DDI1: variants seen among roughly 807,000 people sequenced by gnomAD.
DDI1 encodes DDI proteasomal shuttling factor 1, also known as protein DDI1 homolog 1.
Under a neutral mutation model 7.2 loss-of-function variants are expected in DDI1, and 6 were observed. That is an observed-to-expected ratio of 0.83 (90% confidence interval 0.46 to 1.64). The LOEUF (loss-of-function observed/expected upper bound fraction) is 1.64, where lower values mean the gene tolerates loss of function less well. DDI1 is among the 40% of genes most tolerant of loss of function. DDI1 has a pLI of 0.01. For synonymous variants in DDI1, 221 were observed against 201.7 expected (o/e 1.10, Z -0.81); for missense variants, 502 against 516.6 (o/e 0.97, Z 0.27).
rs981047287 is a variant in DDI1 at position 104,037,645 on chromosome 11, C to T, written c.823C>T (p.Arg275Ter). The change falls in exon 1 of 1, where the codon CGA becomes TGA. Residue 275 changes from arginine (R) to a stop codon, truncating the protein, a stop_gained. Transcript: ENST00000302259. LOFTEE classifies it high-confidence loss of function. Reference protein sequence around the residue: ...MTIMSQACAERCNIMRLVDRR... With the variant: ...MTIMSQACAE ...CATTATGAGCCAGGCTTGTGCCGAG[C>T]GATGTAACATCATGAGGCTGGTGGA... 36 of 1,613,966 alleles carry T rather than the reference C, an allele frequency of 2.2e-5. No homozygotes were observed. Among genetic ancestry groups the T allele is most frequent in the African/African-American group, 4.0e-5 (3 of 74,874 alleles).
rs1220842645 is a variant in DDI1, at chr11:104,036,658, C to T, written c.-165C>T. ...AGCAGGCACTGAGGCTGGGAGACAG[C>T]CCCCAGACAGATGAGTGTCCGCGCC... On this transcript the variant is annotated 5_prime_UTR_variant, in exon 1 of 1. Transcript: ENST00000302259. 1 of 629,462 alleles carries T rather than the reference C, an allele frequency of 1.6e-6. No individual in the cohort carries two copies. The allele number at this position is 629,462 out of a possible 1,614,324, so 39.0% of individuals were successfully genotyped here. A position where few individuals can be genotyped will look rare whatever the true frequency, so the allele number is the denominator to read the frequency against.
chr11:104,038,225 C>A lies in DDI1; in HGVS notation c.*212C>A. The A allele has an allele frequency of 1.8e-6, 1 of 559,956 alleles. No homozygotes were observed. Among genetic ancestry groups the A allele is most frequent in the Non-Finnish European group, 3.2e-6 (1 of 314,514 alleles). 34.7% of individuals were successfully genotyped at this position (559,956 alleles called of 1,614,324 possible). On this transcript the variant is annotated 3_prime_UTR_variant, in exon 1 of 1. Coordinates refer to ENST00000302259, the MANE Select transcript of DDI1 (RefSeq NM_001001711.3). ...CCCTTGTCCAGAGATCACTGAAAGG[C>A]ATCCTGGGAAGGCTCTGGAGGCTCC...
Position 104,037,284 on chromosome 11 carries a change from C to T in DDI1, c.462C>T (p.Pro154=), listed in dbSNP as rs1274533976. 1 of 1,613,386 alleles carries T rather than the reference C, an allele frequency of 6.2e-7. No homozygotes were observed. Among genetic ancestry groups the T allele is most frequent in the Admixed American group, 1.7e-5 (1 of 60,024 alleles). Residue 154 remains proline, a synonymous_variant, in exon 1 of 1, where the codon CCC becomes CCT. Transcript: ENST00000302259. ...ALIRSMLLSN[P]HDLSLLKERN... ...TCCGCAGCATGCTGCTCTCCAACCC[C>T]CACGATCTGTCCCTGCTCAAGGAAC... is the stretch of plus-strand genomic sequence containing the variant.
In DDI1 at chr11:104,038,224, G is replaced by A. The variant is rs118011484; in HGVS notation, c.*211G>A. The A allele has an allele frequency of 1.3e-3, 754 of 559,522 alleles. 3 individuals carry two copies. Among genetic ancestry groups the A allele is most frequent in the Non-Finnish European group, 2.1e-3 (659 of 314,478 alleles). 34.7% of individuals were successfully genotyped at this position (559,522 alleles called of 1,614,324 possible). On this transcript the variant is annotated 3_prime_UTR_variant, in exon 1 of 1. Transcript: ENST00000302259. ...TCCCTTGTCCAGAGATCACTGAAAG[G>A]CATCCTGGGAAGGCTCTGGAGGCTC...
rs1860295185 is a variant in DDI1, at chr11:104,038,586, C to T, written c.*573C>T. 1 of 167,150 alleles carries T rather than the reference C, an allele frequency of 6.0e-6. No individual in the cohort carries two copies. The highest frequency in any genetic ancestry group is 1.5e-5 in the Non-Finnish European group (1 of 68,272). 10.4% of individuals were successfully genotyped at this position (167,150 alleles called of 1,614,324 possible). A position where few individuals can be genotyped will look rare whatever the true frequency, so the allele number is the denominator to read the frequency against. On this transcript the variant is annotated 3_prime_UTR_variant, in exon 1 of 1. Coordinates refer to ENST00000302259, the MANE Select transcript of DDI1 (RefSeq NM_001001711.3). ...AAGACCAATTTCCTCATATTTACAC[C>T]TTCCCTTCCCCTGGATCCCCTGCAG...
chr11:104,037,753 G>A lies in DDI1; in HGVS notation c.931G>A (p.Gly311Ser), dbSNP rs1464685022. Residue 311 changes from glycine to serine, a missense_variant, in exon 1 of 1, where the codon GGT (glycine) becomes AGT (serine). Coordinates refer to ENST00000302259, the MANE Select transcript of DDI1 (RefSeq NM_001001711.3). ...TCATCTAGCTCAGATTCAAATTGAA[G>A]GTGATTTCTTACAGTGCTCTTTCTC... ...RVHLAQIQIE[G>S]DFLQCSFSIL... 5 of 1,614,126 alleles carry A rather than the reference G, an allele frequency of 3.1e-6. No individual in the cohort carries two copies. The highest frequency in any genetic ancestry group is 4.2e-6 in the Non-Finnish European group (5 of 1,180,034).
chr11:104,036,710 G>A lies in DDI1; in HGVS notation c.-113G>A, dbSNP rs1860239445. 7 of 801,756 alleles carry A rather than the reference G, an allele frequency of 8.7e-6. No individual in the cohort carries two copies. Among genetic ancestry groups the A allele is most frequent in the Admixed American group, 2.2e-5 (1 of 44,812 alleles). The allele number at this position is 801,756 out of a possible 1,614,324, so 49.7% of individuals were successfully genotyped here. A position where few individuals can be genotyped will look rare whatever the true frequency, so the allele number is the denominator to read the frequency against. ...CTCTGAGAGGTGAATGAGCCCGGAC[G>A]GTCCCTACCTACCAAGTCCTGAGGA... On this transcript the variant is annotated 5_prime_UTR_variant, in exon 1 of 1. Transcript: ENST00000302259.
Position 104,037,071 on chromosome 11 carries a change from G to A in DDI1, c.249G>A (p.Arg83=), listed in dbSNP as rs765135960. The change falls in exon 1 of 1, where the codon CGG becomes CGA. Residue 83 remains arginine, a synonymous_variant. Coordinates refer to ENST00000302259, the MANE Select transcript of DDI1 (RefSeq NM_001001711.3). ...TGCAGAAGGACAATGTGGGACCTCG[G>A]GCTCCAGGGCGTGCCCCGAACCAGC... ...VLLQKDNVGP[R]APGRAPNQPR... 1 of 1,614,210 alleles carries A rather than the reference G, an allele frequency of 6.2e-7. No individual in the cohort carries two copies. Among genetic ancestry groups the A allele is most frequent in the Non-Finnish European group, 8.5e-7 (1 of 1,180,040 alleles).
Position 104,037,659 on chromosome 11 carries a change from G to A in DDI1, c.837G>A (p.Met279Ile), listed in dbSNP as rs1860273799. ...SQACAERCNI[M>I]RLVDRRWAGV... ...CTTGTGCCGAGCGATGTAACATCAT[G>A]AGGCTGGTGGACCGACGGTGGGCTG... Residue 279 changes from methionine to isoleucine, a missense_variant, in exon 1 of 1, where the codon ATG (methionine) becomes ATA (isoleucine). Coordinates refer to ENST00000302259, the MANE Select transcript of DDI1 (RefSeq NM_001001711.3). The A allele has an allele frequency of 1.9e-6, 3 of 1,614,080 alleles. No individual in the cohort carries two copies. The highest frequency in any genetic ancestry group is 1.7e-5 in the Admixed American group (1 of 60,002).
chr11:104,037,362 T>G lies in DDI1; in HGVS notation c.540T>G (p.Ser180=), dbSNP rs777526215. The G allele has an allele frequency of 4.3e-6, 7 of 1,613,918 alleles. No individual in the cohort carries two copies. Among genetic ancestry groups the G allele is most frequent in the Middle Eastern group, 1.6e-4 (1 of 6,084 alleles). Residue 180 remains serine (S), a synonymous_variant, in exon 1 of 1, where the codon TCT becomes TCG. Coordinates refer to ENST00000302259, the MANE Select transcript of DDI1 (RefSeq NM_001001711.3). ...ALLSGSLETF[S]QVLMEQQREK... ...TCAGCGGAAGCCTTGAGACCTTTTCTCAGGTGCTGATGGAGCAGCAAAGGG... is the reference window on the plus strand; with the variant it reads ...TCAGCGGAAGCCTTGAGACCTTTTCGCAGGTGCTGATGGAGCAGCAAAGGG...
Position 104,037,611 on chromosome 11 carries a change from C to G in DDI1, c.789C>G (p.Ala263=). Residue 263 remains alanine (A), a synonymous_variant, in exon 1 of 1, where the codon GCC becomes GCG. Coordinates refer to ENST00000302259, the MANE Select transcript of DDI1 (RefSeq NM_001001711.3). ...TGAAGGCTTTTGTTGACTCGGGCGC[C>G]CAGATGACCATTATGAGCCAGGCTT... is the stretch of plus-strand genomic sequence containing the variant. ...HPLKAFVDSG[A]QMTIMSQACA... 6.2e-7 allele frequency: 1 copy of G among 1,614,040 alleles called. No homozygotes were observed.
At position 104,039,073 on chromosome 11, in the gene DDI1, T is replaced by C. The variant is rs1213773330; in HGVS notation, c.*1060T>C. ...GGTAATGGAAGATCCTAGACTTAAT[T>C]ACAACCCATGGCTAAAGCACCTGAG... On this transcript the variant is annotated 3_prime_UTR_variant, in exon 1 of 1. Transcript: ENST00000302259. 1 of 167,072 alleles carries C rather than the reference T, an allele frequency of 6.0e-6. No homozygotes were observed. The highest frequency in any genetic ancestry group is 1.5e-5 in the Non-Finnish European group (1 of 68,116). The allele number at this position is 167,072 out of a possible 1,614,324, so 10.3% of individuals were successfully genotyped here.
rs1490141294 is a variant in DDI1, at chr11:104,036,760, C to T, written c.-63C>T. ...AGCAGCGGCACCAACGACGCAGGCC[C>T]GCCCCAGCCCGCCAGTGAGCCGCCC... On this transcript the variant is annotated 5_prime_UTR_variant, in exon 1 of 1. Coordinates refer to ENST00000302259, the MANE Select transcript of DDI1 (RefSeq NM_001001711.3). 1.8e-5 allele frequency: 25 copies of T among 1,365,564 alleles called. No individual in the cohort carries two copies. Among genetic ancestry groups the T allele is most frequent in the East Asian group, 2.3e-5 (1 of 43,448 alleles). 84.6% of individuals were successfully genotyped at this position (1,365,564 alleles called of 1,614,324 possible). A position where few individuals can be genotyped will look rare whatever the true frequency, so the allele number is the denominator to read the frequency against.
Position 104,038,472 on chromosome 11 carries a change from T to G in DDI1, c.*459T>G, listed in dbSNP as rs1415807370. On this transcript the variant is annotated 3_prime_UTR_variant, in exon 1 of 1. Transcript: ENST00000302259. ...GAAATATGCCCATTTTCACAGGTTT[T>G]GTTTTCTTTGGGAAGGGTATTAGAA... 5.7e-6 allele frequency: 1 copy of G among 176,820 alleles called. No individual in the cohort carries two copies. The highest frequency in any genetic ancestry group is 1.4e-5 in the Non-Finnish European group (1 of 73,148). 11.0% of individuals were successfully genotyped at this position (176,820 alleles called of 1,614,324 possible).
rs1386119528 is a variant in DDI1 at position 104,038,686 on chromosome 11, T to G, written c.*673T>G. 4.8e-5 allele frequency: 8 copies of G among 167,090 alleles called. No individual in the cohort carries two copies. Among genetic ancestry groups the G allele is most frequent in the African/African-American group, 1.4e-4 (6 of 41,468 alleles). 10.4% of individuals were successfully genotyped at this position (167,090 alleles called of 1,614,324 possible). ...TGGATTTATCTCCAAGGATGCTACA[T>G]TAATTTTCTATTTCTCCTGCATTCA... On this transcript the variant is annotated 3_prime_UTR_variant, in exon 1 of 1. Transcript: ENST00000302259.
chr11:104,039,036 C>T lies in DDI1; in HGVS notation c.*1023C>T, dbSNP rs1860303773. 6.0e-6 allele frequency: 1 copy of T among 167,062 alleles called. No individual in the cohort carries two copies. The highest frequency in any genetic ancestry group is 2.1e-4 in the South Asian group (1 of 4,822). The allele number at this position is 167,062 out of a possible 1,614,324, so 10.3% of individuals were successfully genotyped here. A position where few individuals can be genotyped will look rare whatever the true frequency, so the allele number is the denominator to read the frequency against. The stretch of plus-strand genomic sequence containing the variant: ...ATTCTGACAATGTTAGTGTTTATTA[C>T]AACTGACAGTGGGTAATGGAAGATC... On this transcript the variant is annotated 3_prime_UTR_variant, in exon 1 of 1. Coordinates refer to ENST00000302259, the MANE Select transcript of DDI1 (RefSeq NM_001001711.3).
Position 104,038,117 on chromosome 11 carries a change from A to T in DDI1, c.*104A>T. On this transcript the variant is annotated 3_prime_UTR_variant, in exon 1 of 1. Transcript: ENST00000302259. ...TAATCATTAAAAAACATCAGTAACA[A>T]CTAAACCTGGCCTTGGGACTACGTT... The T allele has an allele frequency of 3.3e-6, 4 of 1,198,432 alleles. No individual in the cohort carries two copies. Among genetic ancestry groups the T allele is most frequent in the Non-Finnish European group, 4.6e-6 (4 of 863,480 alleles). 74.2% of individuals were successfully genotyped at this position (1,198,432 alleles called of 1,614,324 possible).
rs571387897 is a variant in DDI1, at chr11:104,038,223, G to A, written c.*210G>A. On this transcript the variant is annotated 3_prime_UTR_variant, in exon 1 of 1. Transcript: ENST00000302259. ...TTCCCTTGTCCAGAGATCACTGAAAGGCATCCTGGGAAGGCTCTGGAGGCT... is the reference window on the plus strand; with the variant it reads ...TTCCCTTGTCCAGAGATCACTGAAAAGCATCCTGGGAAGGCTCTGGAGGCT... The A allele has an allele frequency of 1.0e-4, 57 of 561,570 alleles. 1 individual carries two copies. The highest frequency in any genetic ancestry group is 9.5e-4 in the Middle Eastern group (2 of 2,100). The allele number at this position is 561,570 out of a possible 1,614,324, so 34.8% of individuals were successfully genotyped here.
In DDI1 at chr11:104,037,743, T is replaced by G. The variant is rs762511800; in HGVS notation, c.921T>G (p.Ile307Met). The G allele has an allele frequency of 1.2e-6, 2 of 1,614,138 alleles. No homozygotes were observed. The highest frequency in any genetic ancestry group is 1.7e-6 in the Non-Finnish European group (2 of 1,180,036). The change falls in exon 1 of 1, where the codon ATT (isoleucine) becomes ATG (methionine). Residue 307 changes from isoleucine to methionine, a missense_variant. Ile to Met is a conservative substitution (Grantham distance 10). Transcript: ENST00000302259. ...TTGGCCGTGTTCATCTAGCTCAGATTCAAATTGAAGGTGATTTCTTACAGT... is the reference window on the plus strand; with the variant it reads ...TTGGCCGTGTTCATCTAGCTCAGATGCAAATTGAAGGTGATTTCTTACAGT... The part of the protein sequence containing the change: ...RIIGRVHLAQ[I>M]QIEGDFLQCS...
Sources: gnomAD v4.1 joint callset for allele counts on GRCh38, gnomAD v4.1.1 for gene constraint, MANE v1.5 for transcripts, NCBI Gene and HGNC (gene_info 2026-07-23, HGNC 2026-07-21) for gene names.